The following TTC23L variants were observed in gnomAD, a reference collection of about 807,000 sequenced individuals.
The protein encoded by TTC23L is tetratricopeptide repeat protein 23-like.
In TTC23L, 42 loss-of-function variants were observed where a neutral mutation model predicts 48.1. The ratio of observed to expected loss-of-function variants is 0.87; its 90% CI spans 0.68 to 1.13. The LOEUF is 1.13. TTC23L is among the 50% of genes most tolerant of loss of function. The probability of loss-of-function intolerance (pLI) is 0.00; values close to 1 mark genes in which losing one functional copy is unlikely to be tolerated. For synonymous variants in TTC23L, 159 were observed against 157.2 expected, an observed-to-expected ratio of 1.01 and a Z score of -0.09; for missense variants, 391 against 421.0, an observed-to-expected ratio of 0.93 and a Z score of 0.62.
At chr5:34,839,769 T>A in intron 1 of TTC23L, 3 of 452,486 alleles carry the variant, frequency 6.6e-6, no homozygotes, top group Non-Finnish European at 8.7e-6. Flanking sequence ...GGGTTTGATT[T>A]AAGCGACTGG....
chr5:34,859,232 G>A (rs336471), intron 4 of TTC23L, among the ~76,000 whole-genome samples: 66,900 of 151,936 alleles, frequency 0.44, 14,961 homozygotes, highest in Admixed American at 0.52. Context: ...CACTCCTAAC[G>A]GCCCACCTAC....
chr5:34,864,343 C>T (rs1760893123), intron 5 of TTC23L, 94 bp from the exon 6 acceptor site: 1 of 1,462,342 alleles, frequency 6.8e-7, no homozygotes, highest in African/African-American at 1.4e-5. Flanking sequence ...TATTGCTTCA[C>T]TTTTCCAAGA....
At chr5:34,903,790 TCTGAG>T (rs754707135), downstream of TTC23L, among the ~76,000 whole-genome samples, 3 of 152,126 alleles carry the variant, frequency 2.0e-5, no homozygotes, top group Non-Finnish European at 4.4e-5. Context: ...TTCTAACAGA[TCTGAG>T]CTAACATACA....
the TTC23L span, chr5:34,924,823 T>C: frequency 5.1e-6 from 8 of 1,558,552 alleles, no homozygotes; most frequent in African/African-American, 9.5e-5. Flanking sequence ...CAAACCAAAA[T>C]GAAATGTTTC....
At chr5:34,856,719 T>C (rs1760164106) in intron 4 of TTC23L, among the ~76,000 whole-genome samples, 1 of 152,220 alleles carries the variant, frequency 6.6e-6, no homozygotes, top group South Asian at 2.1e-4. Flanking sequence ...AAGAATCAAT[T>C]ACAGAAGGTT....
the TTC23L span, among the ~76,000 whole-genome samples, chr5:34,904,605 AAAAG>A: frequency 3.5e-3 from 532 of 152,092 alleles, 2 homozygotes; most frequent in Non-Finnish European, 5.9e-3. Flanking sequence ...AAAAAAAAAA[AAAAG>A]TTTATGTAAC....
intron 4 of TTC23L, among the ~76,000 whole-genome samples, chr5:34,860,614 C>T (rs191836799): frequency 6.6e-6 from 1 of 151,046 alleles, no homozygotes; most frequent in East Asian, 1.9e-4. Flanking sequence ...GAAGGCCACC[C>T]TTAACTTAGG....
chr5:34,910,429 TTTC>T, the TTC23L span, among the ~76,000 whole-genome samples: 1 of 150,644 alleles, frequency 6.6e-6, no homozygotes. Context: ...TTCTTTTTCT[TTTC>T]TTTTTTTTTT....
In TTC23L at chr5:34,863,945, G is replaced by A. The variant is rs143121063; in HGVS notation, c.537-492G>A. ...GTTATACCCTTAGCAGGGGGCTATT[G>A]AAAATGTGGGAAATAGAAGAATGTT... is the stretch of plus-strand genomic sequence containing the variant. On this transcript the variant is annotated intron_variant, in intron 5 of 10. Coordinates refer to ENST00000505624, the Ensembl canonical transcript of TTC23L. The surrounding 1 kb of genome is among the most constrained non-coding windows in gnomAD (Gnocchi z 4.1). Among the ~76,000 whole-genome samples, 1,306 of 152,268 alleles carry A rather than the reference G, an allele frequency of 8.6e-3. 12 individuals carry two copies. The highest frequency in any genetic ancestry group is 0.015 in the Non-Finnish European group (1,003 of 68,010).
intron 8 of TTC23L, among the ~76,000 whole-genome samples, chr5:34,872,971 G>A (rs1309087190): frequency 6.6e-6 from 1 of 152,116 alleles, no homozygotes; most frequent in Non-Finnish European, 1.5e-5. Context: ...GCTGAGACAG[G>A]AGACTTGCTT....
intron 7 of TTC23L, chr5:34,868,123 G>C (rs1761197793): frequency 6.6e-6 from 1 of 152,192 alleles, no homozygotes; most frequent in Non-Finnish European, 1.5e-5. Flanking sequence ...TTAAGGATGA[G>C]AAAACTGACG....
chr5:34,883,413 A>T (rs1440591092), intron 9 of TTC23L: 1 of 153,104 alleles, frequency 6.5e-6, no homozygotes, highest in African/African-American at 2.4e-5. Context: ...AAGGAAGTCA[A>T]AGAGATAGTT....
intron 8 of TTC23L, among the ~76,000 whole-genome samples, chr5:34,879,286 C>G (rs910184434): frequency 4.6e-5 from 7 of 152,148 alleles, no homozygotes; most frequent in African/African-American, 1.7e-4. Flanking sequence ...GCAATTTATA[C>G]ATGTAACAGA....
In TTC23L at chr5:34,892,533, G is replaced by A. The variant is rs138368375; in HGVS notation, c.1078-4237G>A. Among the ~76,000 whole-genome samples the A allele has an allele frequency of 3.9e-5, 6 of 152,250 alleles. No homozygotes were observed. In the East Asian group the frequency reaches 5.8e-4, roughly 15 times the overall value. On this transcript the variant is annotated intron_variant, in intron 9 of 10. Transcript: ENST00000505624. ...GTATGTTTAAGATATAGTCCCTTAC[G>A]TGAAAACAGACATGTATGACCAGAT... is the stretch of plus-strand genomic sequence containing the variant.
At chr5:34,868,340 G>A (rs1269863241) in intron 7 of TTC23L, 1 of 152,818 alleles carries the variant, frequency 6.5e-6, no homozygotes, top group African/African-American at 2.4e-5. Context: ...TGGTTCTTTT[G>A]TGGCTGGTGG....
chr5:34,913,535 G>A, the TTC23L span: 2 of 1,604,754 alleles, frequency 1.2e-6, no homozygotes, highest in Non-Finnish European at 1.7e-6. Flanking sequence ...AATTCGAAAA[G>A]TAACAGACTC....
At chr5:34,901,432 A>G (rs1464430886), downstream of TTC23L, among the ~76,000 whole-genome samples, 1 of 152,200 alleles carries the variant, frequency 6.6e-6, no homozygotes, top group Non-Finnish European at 1.5e-5. Context: ...TCGTCATAAC[A>G]TGTTCAAAGT....
intron 8 of TTC23L, among the ~76,000 whole-genome samples, 199 bp from the exon 9 acceptor site, chr5:34,879,982 G>C (rs1178918676): frequency 2.0e-5 from 3 of 151,996 alleles, no homozygotes; most frequent in Non-Finnish European, 4.4e-5. Flanking sequence ...GCAACAGAGT[G>C]ATACTCTATC....
chr5:34,900,173 T>C (rs1462159756), downstream of TTC23L, among the ~76,000 whole-genome samples: 2 of 152,180 alleles, frequency 1.3e-5, no homozygotes, highest in Non-Finnish European at 2.9e-5. Flanking sequence ...TCAAAAATCT[T>C]TGTATAACTT....
Sources: gnomAD v4.1 joint callset for allele counts (sites outside exome capture counted in the v4.1 genomes callset) on GRCh38, gnomAD v4.1.1 for gene constraint, Gnocchi (gnomAD v3.1) non-coding constraint, MANE v1.5 for transcripts, NCBI Gene and HGNC (gene_info 2026-07-23, HGNC 2026-07-21) for gene names.